The following MTFMT variants were observed in gnomAD, a reference collection of about 807,000 sequenced individuals.
MTFMT encodes methionyl-tRNA formyltransferase, mitochondrial.
In MTFMT, 47 loss-of-function variants were observed where a neutral mutation model predicts 51.8. The ratio of observed to expected loss-of-function variants is 0.91; its 90% CI spans 0.72 to 1.16. MTFMT has a LOEUF of 1.16. MTFMT is among the 50% of genes most tolerant of loss of function. The pLI is 0.00. For synonymous variants in MTFMT, 196 were observed against 176.7 expected (o/e 1.11, Z -0.87); for missense variants, 512 against 482.3 (o/e 1.06, Z -0.58).
intron 6 of MTFMT, among the ~76,000 whole-genome samples, chr15:65,013,028 T>C (rs1188158847): frequency 6.6e-6 from 1 of 152,188 alleles, no homozygotes; most frequent in Non-Finnish European, 1.5e-5. Flanking sequence ...TTACTGTTTA[T>C]TAGCTCTAAT....
In MTFMT at chr15:65,029,450, G is replaced by C; in HGVS notation, c.164C>G (p.Thr55Arg). 6.5e-7 allele frequency: 1 copy of C among 1,528,582 alleles called. No homozygotes were observed. Among genetic ancestry groups the C allele is most frequent in the Non-Finnish European group, 8.8e-7 (1 of 1,140,388 alleles). The allele number at this position is 1,528,582 out of a possible 1,614,324, so 94.7% of individuals were successfully genotyped here. ...KPPWRVLFFG[T>R]DQFAREALRA... is the part of the protein sequence containing the mutation. The stretch of plus-strand genomic sequence containing the variant: ...CAGCGCCTCGCGGGCGAACTGGTCC[G>C]TGCCGAAGAAGAGCACCCGCCAGGG... Residue 55 changes from threonine (T) to arginine (R), a missense_variant, in exon 1 of 9, where the codon ACG becomes AGG. Coordinates refer to ENST00000220058, the MANE Select transcript of MTFMT (RefSeq NM_139242.4).
chr15:65,021,226 G>A (rs183647916), intron 4 of MTFMT, among the ~76,000 whole-genome samples: 15 of 152,250 alleles, frequency 9.9e-5, no homozygotes, highest in South Asian at 4.1e-4. Flanking sequence ...ACCAGAGTGC[G>A]GAGAGTGAAA....
intron 5 of MTFMT, among the ~76,000 whole-genome samples, chr15:65,019,538 G>A (rs929311859): frequency 2.6e-5 from 4 of 151,872 alleles, no homozygotes; most frequent in African/African-American, 9.7e-5. Flanking sequence ...CTAATTATAG[G>A]AAATATAAGA....
chr15:65,024,745 G>A (rs1458131184), intron 2 of MTFMT, among the ~76,000 whole-genome samples: 1 of 152,072 alleles, frequency 6.6e-6, no homozygotes, highest in Non-Finnish European at 1.5e-5. Flanking sequence ...TGGGAGATAA[G>A]CAAGAAAAAA....
intron 5 of MTFMT, among the ~76,000 whole-genome samples, chr15:65,019,024 A>AC (rs1304834835): frequency 1.3e-5 from 2 of 152,238 alleles, no homozygotes; most frequent in Non-Finnish European, 2.9e-5. Flanking sequence ...TTTGTAATCC[A>AC]TAGTGAAATA....
intron 6 of MTFMT, among the ~76,000 whole-genome samples, chr15:65,010,297 C>T (rs1165809048): frequency 6.6e-6 from 1 of 152,120 alleles, no homozygotes; most frequent in Non-Finnish European, 1.5e-5. Flanking sequence ...CAGGGTCATT[C>T]AACCAATGTC....
chr15:65,013,353 C>G (rs2086286572), intron 6 of MTFMT, among the ~76,000 whole-genome samples: 1 of 151,640 alleles, frequency 6.6e-6, no homozygotes, highest in African/African-American at 2.4e-5. Context: ...TGGCCTCAAG[C>G]AATCCTCCCG....
chr15:65,021,718 G>T, intron 3 of MTFMT, 102 bp from the exon 4 acceptor site: 1 of 871,180 alleles, frequency 1.1e-6, no homozygotes, highest in Non-Finnish European at 1.7e-6. Flanking sequence ...TGGTCTGCAT[G>T]CCTATAGTCC....
At chr15:65,017,201 A>G (rs772445450) in intron 5 of MTFMT, among the ~76,000 whole-genome samples, 14 of 152,230 alleles carry the variant, frequency 9.2e-5, no homozygotes, top group Non-Finnish European at 2.1e-4. Context: ...ATTATGAAAT[A>G]TAAGTACTCA....
intron 2 of MTFMT, among the ~76,000 whole-genome samples, chr15:65,024,781 T>C (rs966504667): frequency 1.3e-5 from 2 of 152,082 alleles, no homozygotes; most frequent in African/African-American, 4.8e-5. Context: ...GTTTGCCAGA[T>C]GATGCTGAGG....
Position 65,029,447 on chromosome 15 carries a change from T to A in MTFMT, c.167A>T (p.Asp56Val), listed in dbSNP as rs1358908554. The change falls in exon 1 of 9, where the codon GAC becomes GTC. Residue 56 changes from aspartate to valine, a missense_variant. Transcript: ENST00000220058. ...PPWRVLFFGTDQFAREALRAL... is the reference protein window; with the variant it reads ...PPWRVLFFGTVQFAREALRAL... ...CCGCAGCGCCTCGCGGGCGAACTGG[T>A]CCGTGCCGAAGAAGAGCACCCGCCA... is the stretch of plus-strand genomic sequence containing the variant. The A allele has an allele frequency of 6.6e-7, 1 of 1,526,560 alleles. No homozygotes were observed. Among genetic ancestry groups the A allele is most frequent in the East Asian group, 2.6e-5 (1 of 38,238 alleles). The allele number at this position is 1,526,560 out of a possible 1,614,324, so 94.6% of individuals were successfully genotyped here. A position where few individuals can be genotyped will look rare whatever the true frequency, so the allele number is the denominator to read the frequency against.
Position 65,001,713 on chromosome 15 carries a change from A to G in MTFMT, c.*1349T>C, listed in dbSNP as rs1387804802. ...CCCTATCTCTACAAAATTTTTTTTA[A>G]AAACTAAGAAAGAAAATTAGCCAGG... On this transcript the variant is annotated 3_prime_UTR_variant, in exon 9 of 9. Coordinates refer to ENST00000220058, the MANE Select transcript of MTFMT (RefSeq NM_139242.4). 1 of 152,058 alleles carries G rather than the reference A, an allele frequency of 6.6e-6. No homozygotes were observed. 9.4% of individuals were successfully genotyped at this position (152,058 alleles called of 1,614,324 possible).
rs1595892571 is a variant in MTFMT, at chr15:65,023,811, A to G, written c.420-17T>C. On this transcript the variant is annotated splice_polypyrimidine_tract_variant and intron_variant, in intron 2 of 8. Coordinates refer to ENST00000220058, the MANE Select transcript of MTFMT (RefSeq NM_139242.4). ...AATATGCCACTGAGTTAGAAAATGT[A>G]GAAATTAGTATGTCAGTGGGCTTTA... is the stretch of plus-strand genomic sequence containing the variant. 6.2e-7 allele frequency: 1 copy of G among 1,603,770 alleles called. No homozygotes were observed. Among genetic ancestry groups the G allele is most frequent in the East Asian group, 2.2e-5 (1 of 44,602 alleles).
intron 7 of MTFMT, 73 bp from the exon 8 acceptor site, chr15:65,005,009 A>G: frequency 9.6e-7 from 1 of 1,038,806 alleles, no homozygotes; most frequent in Non-Finnish European, 1.5e-6. Flanking sequence ...CTTCTTAAAA[A>G]TCAAAAAACA....
At chr15:65,016,836 A>G (rs2086327209) in intron 5 of MTFMT, among the ~76,000 whole-genome samples, 1 of 149,776 alleles carries the variant, frequency 6.7e-6, no homozygotes, top group Non-Finnish European at 1.5e-5. Context: ...GCTGGAGTGC[A>G]GTGGCGTGAT....
chr15:65,027,122 T>G, intron 1 of MTFMT, 82 bp from the exon 2 acceptor site: 2 of 966,968 alleles, frequency 2.1e-6, no homozygotes, highest in Non-Finnish European at 3.2e-6. Flanking sequence ...GCTAAGTATG[T>G]TTATGATTAA....
At chr15:65,022,172 T>C (rs1024970364) in intron 3 of MTFMT, among the ~76,000 whole-genome samples, 1 of 152,220 alleles carries the variant, frequency 6.6e-6, no homozygotes, top group South Asian at 2.1e-4. Flanking sequence ...CATAGGTGAT[T>C]ATAAGTAGGG....
chr15:65,023,861 T>G, intron 2 of MTFMT, 67 bp from the exon 3 acceptor site: 1 of 1,354,200 alleles, frequency 7.4e-7, no homozygotes. Context: ...CTACCTAAGC[T>G]ATTATGCTAC....
In MTFMT at chr15:65,020,202, G is replaced by C; in HGVS notation, c.716C>G (p.Thr239Ser). ...NGRQQPMEGATYAPKISAGTS... is the reference protein window; with the variant it reads ...NGRQQPMEGASYAPKISAGTS... ...TCTCTGCAGCCTTCACTCACCGTAA[G>C]TCGCCCCCTCCATTGGCTGCTGCCT... Residue 239 changes from threonine to serine, a missense_variant, in exon 5 of 9, where the codon ACT becomes AGT. Thr to Ser is a moderately conservative substitution (Grantham distance 58, BLOSUM62 1). Coordinates refer to ENST00000220058, the MANE Select transcript of MTFMT (RefSeq NM_139242.4). 1.2e-6 allele frequency: 2 copies of C among 1,612,150 alleles called. No individual in the cohort carries two copies. The highest frequency in any genetic ancestry group is 1.7e-6 in the Non-Finnish European group (2 of 1,179,502).
Sources: allele counts gnomAD v4.1 joint callset (sites outside exome capture counted in the v4.1 genomes callset), GRCh38; gene constraint gnomAD v4.1.1; transcripts MANE v1.5; gene names NCBI Gene and HGNC (gene_info 2026-07-23, HGNC 2026-07-21).